CSMD1: variants seen among roughly 807,000 people sequenced by gnomAD.
CSMD1 encodes the protein CUB and Sushi multiple domains 1.
A neutral mutation model predicts 417.5 loss-of-function variants in CSMD1; 213 were observed. The observed-to-expected ratio is 0.51, with a 90% CI of 0.46 to 0.57. The LOEUF is 0.57. CSMD1 is among the 20% of genes least tolerant of loss of function. The probability of loss-of-function intolerance (pLI) is 0.00; values close to 1 mark genes in which losing one functional copy is unlikely to be tolerated. For synonymous variants in CSMD1, 2,862 were observed against 1,736.8 expected (o/e 1.65, Z -16.11); for missense variants, 6,923 against 4,529.7 (o/e 1.53, Z -15.17).
At chr8:4,909,479 C>A (rs1196285288) in intron 1 of CSMD1, among the ~76,000 whole-genome samples, 1 of 152,126 alleles carries the variant, frequency 6.6e-6, no homozygotes, top group Non-Finnish European at 1.5e-5. Flanking sequence ...TCCCTGATAA[C>A]CTTCTAGCAG....
intron 11 of CSMD1, among the ~76,000 whole-genome samples, chr8:3,483,104 G>A (rs892698537): frequency 6.6e-6 from 1 of 152,010 alleles, no homozygotes; most frequent in South Asian, 2.1e-4. Context: ...AAAGAAACTA[G>A]GAGGAAGAGT....
chr8:4,446,469 C>T (rs534175136), intron 2 of CSMD1, among the ~76,000 whole-genome samples: 18 of 152,240 alleles, frequency 1.2e-4, no homozygotes, highest in Admixed American at 2.0e-4. Context: ...GATCACCGAA[C>T]TTGGGAGACT....
chr8:4,219,701 T>C (rs1800910539), intron 3 of CSMD1, among the ~76,000 whole-genome samples: 1 of 152,228 alleles, frequency 6.6e-6, no homozygotes, highest in African/African-American at 2.4e-5. Context: ...AGAGTTTAAA[T>C]ATTATTTTGG....
intron 3 of CSMD1, among the ~76,000 whole-genome samples, chr8:4,096,574 G>A (rs565847479): frequency 6.7e-6 from 1 of 149,718 alleles, no homozygotes; most frequent in African/African-American, 2.5e-5. Flanking sequence ...ACGCCACTAA[G>A]GATACCTTTT....
intron 25 of CSMD1, among the ~76,000 whole-genome samples, chr8:3,292,198 G>A (rs574155332): frequency 1.3e-5 from 2 of 152,302 alleles, no homozygotes; most frequent in East Asian, 1.9e-4. Context: ...GAGACAGTTT[G>A]TTGTAATTTC....
At chr8:3,658,148 A>G (rs1798223840) in intron 7 of CSMD1, among the ~76,000 whole-genome samples, 2 of 152,158 alleles carry the variant, frequency 1.3e-5, no homozygotes, top group Admixed American at 6.5e-5. Flanking sequence ...TCAGCAGCTT[A>G]TCTCTCTCAG....
chr8:4,187,416 G>A (rs180939810), intron 3 of CSMD1, among the ~76,000 whole-genome samples: 2 of 152,244 alleles, frequency 1.3e-5, no homozygotes, highest in Admixed American at 1.3e-4. Context: ...GGAGGCCAAG[G>A]CAGGCAGATC....
At chr8:4,046,467 C>A (rs1476137882) in intron 3 of CSMD1, among the ~76,000 whole-genome samples, 4 of 152,188 alleles carry the variant, frequency 2.6e-5, no homozygotes, top group Non-Finnish European at 4.4e-5. Flanking sequence ...GCTCAAGCTT[C>A]ATGAAAAGAG....
chr8:3,285,820 T>C (rs1223536987), intron 25 of CSMD1, among the ~76,000 whole-genome samples: 1 of 151,172 alleles, frequency 6.6e-6, no homozygotes, highest in East Asian at 1.9e-4. Flanking sequence ...TCCCCATTTG[T>C]GTATATATAT....
At chr8:3,622,204 T>G (rs750758371) in intron 7 of CSMD1, among the ~76,000 whole-genome samples, 1 of 152,226 alleles carries the variant, frequency 6.6e-6, no homozygotes, top group African/African-American at 2.4e-5. Context: ...GTAATGCAGA[T>G]TGTTACTTCT....
chr8:4,729,112 C>T (rs1490437029), intron 1 of CSMD1, among the ~76,000 whole-genome samples: 1 of 151,940 alleles, frequency 6.6e-6, no homozygotes, highest in African/African-American at 2.4e-5. Flanking sequence ...ATATCTGAAA[C>T]CAGGACAAGG....
intron 18 of CSMD1, among the ~76,000 whole-genome samples, chr8:3,381,832 T>C (rs1346930953): frequency 6.6e-6 from 1 of 152,224 alleles, no homozygotes; most frequent in African/African-American, 2.4e-5. Context: ...GCATGAGAGT[T>C]ACAATTTTAG....
intron 1 of CSMD1, among the ~76,000 whole-genome samples, chr8:4,678,780 C>G (rs1050511724): frequency 6.6e-6 from 1 of 152,136 alleles, no homozygotes; most frequent in Non-Finnish European, 1.5e-5. Flanking sequence ...CTCGTCTTAC[C>G]TTTGAGCAAG....
At position 3,271,141 on chromosome 8, in the gene CSMD1, A is replaced by C. The variant is rs1181980197; in HGVS notation, c.4153+13003T>G. Reference sequence around the variant, plus strand: ...CCCCTTCCTGTGTTCACGTGTTCTCATTGTTCAGTTCCCACCTTTGAGTGA... The same window carrying C: ...CCCCTTCCTGTGTTCACGTGTTCTCCTTGTTCAGTTCCCACCTTTGAGTGA... On this transcript the variant is annotated intron_variant, in intron 26 of 69. Coordinates refer to ENST00000635120, the MANE Select transcript of CSMD1 (RefSeq NM_033225.6). Among the ~76,000 whole-genome samples the C allele has an allele frequency of 2.3e-5, 3 of 132,448 alleles. No homozygotes were observed. The East Asian group carries it at 6.8e-4, about 30-fold the overall frequency. 86.9% of individuals were successfully genotyped at this position (132,448 alleles called of 152,430 possible).
chr8:3,315,338 G>A (rs573229085), intron 23 of CSMD1, among the ~76,000 whole-genome samples: 19 of 152,052 alleles, frequency 1.2e-4, no homozygotes, highest in African/African-American at 3.9e-4. Context: ...CATTAATAAT[G>A]AATTTCCTGA....
chr8:4,335,962 C>T (rs767305873), intron 3 of CSMD1, among the ~76,000 whole-genome samples: 15 of 152,242 alleles, frequency 9.9e-5, no homozygotes, highest in Non-Finnish European at 1.9e-4. Context: ...GAGGCTCTCA[C>T]AGATACATGA....
At chr8:4,175,997 G>C (rs1798018252) in intron 3 of CSMD1, among the ~76,000 whole-genome samples, 1 of 152,184 alleles carries the variant, frequency 6.6e-6, no homozygotes, top group Non-Finnish European at 1.5e-5. Context: ...GTCCTTGAGA[G>C]GCTAGCCCAG....
intron 1 of CSMD1, among the ~76,000 whole-genome samples, chr8:4,865,336 T>C (rs1196740435): frequency 6.6e-6 from 1 of 151,834 alleles, no homozygotes; most frequent in African/African-American, 2.4e-5. Context: ...TCTCGTAACT[T>C]ACTGCAAGAC....
chr8:4,000,637 C>G lies in CSMD1; in HGVS notation c.611-2527G>C, dbSNP rs558241088. Among the ~76,000 whole-genome samples the G allele has an allele frequency of 5.3e-5, 8 of 152,216 alleles. No individual in the cohort carries two copies. The East Asian group carries it at 1.5e-3, about 29-fold the overall frequency. Reference sequence around the variant, plus strand: ...TAAAGGGATGAGGTAAACAGGATCACTAGAGACAGATATTTACTTTTATTA... The same window carrying G: ...TAAAGGGATGAGGTAAACAGGATCAGTAGAGACAGATATTTACTTTTATTA... On this transcript the variant is annotated intron_variant, in intron 4 of 69. Coordinates refer to ENST00000635120, the MANE Select transcript of CSMD1 (RefSeq NM_033225.6).
Sources: allele counts gnomAD v4.1 joint callset (sites outside exome capture counted in the v4.1 genomes callset), GRCh38; gene constraint gnomAD v4.1.1; transcripts MANE v1.5; gene names NCBI Gene and HGNC (gene_info 2026-07-23, HGNC 2026-07-21).